AGMO: variants seen among roughly 807,000 people sequenced by gnomAD.
AGMO encodes glyceryl-ether monooxygenase.
A neutral mutation model predicts 60.2 loss-of-function variants in AGMO; 75 were observed. The observed-to-expected ratio is 1.25, with a 90% CI of 1.03 to 1.51. AGMO has a LOEUF of 1.51. AGMO is among the 40% of genes most tolerant of loss of function. The pLI is 0.00. For missense variants in AGMO, 763 were observed against 525.5 expected (o/e 1.45, Z -4.42); for synonymous variants, 261 against 177.1 (o/e 1.47, Z -3.76).
chr7:15,137,056 T>C, the AGMO span, among the ~76,000 whole-genome samples: 1 of 152,340 alleles, frequency 6.6e-6, no homozygotes, highest in Non-Finnish European at 1.5e-5. Context: ...TGTCTGAGAA[T>C]GATTTATTTG....
chr7:15,401,749 A>G (rs1412578262), intron 5 of AGMO, among the ~76,000 whole-genome samples: 5 of 152,160 alleles, frequency 3.3e-5, no homozygotes, highest in Non-Finnish European at 1.5e-5. Flanking sequence ...AAAAATCATA[A>G]TAGGGAAAAT....
In AGMO at chr7:15,340,879, A is replaced by C. The variant is rs572845895; in HGVS notation, c.1263+24635T>G. ...CTAGTGGAGCTGTGAGAAGAGGGCCACCGTTCTCGAGACCGCAGAATGGTA... is the reference window on the plus strand; with the variant it reads ...CTAGTGGAGCTGTGAGAAGAGGGCCCCCGTTCTCGAGACCGCAGAATGGTA... On this transcript the variant is annotated intron_variant, in intron 12 of 12. Coordinates refer to ENST00000342526, the MANE Select transcript of AGMO (RefSeq NM_001004320.2). Among the ~76,000 whole-genome samples, 6 of 152,224 alleles carry C rather than the reference A, an allele frequency of 3.9e-5. No homozygotes were observed. The East Asian group carries it at 9.7e-4, about 25-fold the overall frequency.
intron 2 of AGMO, among the ~76,000 whole-genome samples, chr7:15,552,836 A>G (rs1289641038): frequency 6.7e-6 from 1 of 149,648 alleles, no homozygotes; most frequent in Non-Finnish European, 1.5e-5. Flanking sequence ...TACCCAAAGG[A>G]CTATAAATCA....
chr7:15,258,487 G>A (rs1783168316), intron 12 of AGMO, among the ~76,000 whole-genome samples: 1 of 151,868 alleles, frequency 6.6e-6, no homozygotes, highest in Admixed American at 6.6e-5. Flanking sequence ...GGAGCTTGCA[G>A]TGAGCCGAGA....
At chr7:15,439,893 C>A (rs1328098983) in intron 3 of AGMO, among the ~76,000 whole-genome samples, 4 of 152,090 alleles carry the variant, frequency 2.6e-5, no homozygotes, top group African/African-American at 7.2e-5. Context: ...TGGGATGAGA[C>A]CCCCCGACCC....
intron 12 of AGMO, among the ~76,000 whole-genome samples, chr7:15,247,575 C>A (rs553693802): frequency 8.6e-5 from 13 of 152,030 alleles, no homozygotes; most frequent in South Asian, 2.1e-4. Flanking sequence ...TCTGACAATC[C>A]TCAAACATAC....
chr7:15,409,354 G>A (rs1784781315), intron 5 of AGMO, among the ~76,000 whole-genome samples: 1 of 151,896 alleles, frequency 6.6e-6, no homozygotes, highest in East Asian at 1.9e-4. Context: ...GGTCTAACAA[G>A]TGAAACCCAG....
intron 12 of AGMO, among the ~76,000 whole-genome samples, chr7:15,323,387 C>T (rs1781242103): frequency 1.3e-5 from 2 of 151,836 alleles, no homozygotes; most frequent in Non-Finnish European, 2.9e-5. Flanking sequence ...AAAAAATAAC[C>T]AGCATAGAGA....
chr7:15,190,591 C>T, the AGMO span, among the ~76,000 whole-genome samples: 87,557 of 151,826 alleles, frequency 0.58, 27,224 homozygotes, highest in African/African-American at 0.83. Context: ...GATTCTTTTC[C>T]ATTTTTTGCA....
chr7:15,354,245 G>C (rs1198303527), intron 12 of AGMO, among the ~76,000 whole-genome samples: 1 of 145,694 alleles, frequency 6.9e-6, no homozygotes, highest in Non-Finnish European at 1.5e-5. Flanking sequence ...TACCATTACA[G>C]AACAGTAAAA....
At chr7:15,425,967 C>T (rs555169901) in intron 4 of AGMO, among the ~76,000 whole-genome samples, 20 of 152,248 alleles carry the variant, frequency 1.3e-4, no homozygotes, top group African/African-American at 4.8e-4. Context: ...GAGAGAAATA[C>T]TAAACTCTTT....
chr7:15,447,655 A>T (rs1781735547), intron 3 of AGMO, among the ~76,000 whole-genome samples: 1 of 151,878 alleles, frequency 6.6e-6, no homozygotes, highest in Admixed American at 6.6e-5. Flanking sequence ...GGTTCAAGTG[A>T]TTCTCCTGCC....
At chr7:15,232,442 C>G (rs1782287361) in intron 12 of AGMO, among the ~76,000 whole-genome samples, 1 of 152,156 alleles carries the variant, frequency 6.6e-6, no homozygotes, top group Non-Finnish European at 1.5e-5. Context: ...GTAAACCAAA[C>G]TGCCTTAATC....
the AGMO span, among the ~76,000 whole-genome samples, chr7:15,170,339 A>G: frequency 6.6e-6 from 1 of 150,638 alleles, no homozygotes. Flanking sequence ...AATGAGATGT[A>G]TAAAAGGAGA....
chr7:15,388,946 C>G (rs540291172), intron 8 of AGMO, among the ~76,000 whole-genome samples: 2 of 152,300 alleles, frequency 1.3e-5, no homozygotes, highest in Non-Finnish European at 2.9e-5. Flanking sequence ...AGAATTGAAC[C>G]TAACAGTTTC....
chr7:15,415,857 A>T (rs560393773), intron 5 of AGMO, among the ~76,000 whole-genome samples: 1 of 152,254 alleles, frequency 6.6e-6, no homozygotes, highest in Non-Finnish European at 1.5e-5. Context: ...ACAAGAAGAG[A>T]CTATAACTGA....
chr7:15,335,448 T>G (rs1781627896), intron 12 of AGMO, among the ~76,000 whole-genome samples: 1 of 152,192 alleles, frequency 6.6e-6, no homozygotes, highest in South Asian at 2.1e-4. Flanking sequence ...CAATTATAAT[T>G]ACTTTTTTAG....
chr7:15,155,109 G>A, the AGMO span, among the ~76,000 whole-genome samples: 1 of 152,086 alleles, frequency 6.6e-6, no homozygotes, highest in South Asian at 2.1e-4. Context: ...ATATTGAAAA[G>A]GTTCCCTGAA....
chr7:15,492,206 T>G (rs185767202), intron 3 of AGMO, among the ~76,000 whole-genome samples: 15 of 152,240 alleles, frequency 9.9e-5, no homozygotes, highest in Non-Finnish European at 1.3e-4. Flanking sequence ...AGAATCTAAT[T>G]ATCAAAGAAG....
Sources: gnomAD v4.1 joint callset for allele counts (sites outside exome capture counted in the v4.1 genomes callset) on GRCh38, gnomAD v4.1.1 for gene constraint, MANE v1.5 for transcripts, NCBI Gene and HGNC (gene_info 2026-07-23, HGNC 2026-07-21) for gene names.